The following OR10S1 variants were observed in gnomAD, a reference collection of about 807,000 sequenced individuals.
OR10S1 encodes the protein olfactory receptor 10S1.
For synonymous variants in OR10S1, 167 were observed against 164.1 expected (o/e 1.02, Z -0.13); for missense variants, 415 against 407.9 (o/e 1.02, Z -0.15).
At chr11:123,977,738 C>G (rs1438626554) in exon 1 of OR10S1, 1 of 1,530,340 alleles carries the variant, frequency 6.5e-7, no homozygotes, top group South Asian at 1.2e-5. Flanking sequence ...AGCTGTATCC[C>G]TTTCCTGAGA....
exon 1 of OR10S1, chr11:123,977,031 C>G: frequency 1.9e-6 from 3 of 1,614,184 alleles, no homozygotes; most frequent in Non-Finnish European, 2.5e-6. Context: ...CAGCCTGCAG[C>G]CACGATGCCA....
At chr11:123,977,035 G>C (rs1251927163) in exon 1 of OR10S1, 2 of 1,614,200 alleles carry the variant, frequency 1.2e-6, no homozygotes, top group East Asian at 4.5e-5. Context: ...CTGCAGCCAC[G>C]ATGCCAATGC....
At chr11:123,977,015 A>T in exon 1 of OR10S1, 1 of 1,614,182 alleles carries the variant, frequency 6.2e-7, no homozygotes, top group South Asian at 1.1e-5. Flanking sequence ...AACGATGAGG[A>T]TGAGGCAGCC....
chr11:123,977,303 G>C, exon 1 of OR10S1: 1 of 1,614,186 alleles, frequency 6.2e-7, no homozygotes, highest in East Asian at 2.2e-5. Context: ...GGCCATGACT[G>C]TGTACAGGAA....
chr11:123,977,727 T>C (rs755175602), exon 1 of OR10S1: 1 of 1,564,624 alleles, frequency 6.4e-7, no homozygotes, highest in South Asian at 1.2e-5. Context: ...ATGGAATAAA[T>C]AGCTGTATCC....
At chr11:123,977,152 C>G in exon 1 of OR10S1, 3 of 1,614,190 alleles carry the variant, frequency 1.9e-6, no homozygotes, top group East Asian at 2.2e-5. Context: ...CACAGTAGAG[C>G]AGGCGGAAGG....
At chr11:123,976,897 G>A in exon 1 of OR10S1, 1 of 1,614,122 alleles carries the variant, frequency 6.2e-7, no homozygotes, top group South Asian at 1.1e-5. Flanking sequence ...GTGGCACGTA[G>A]TACAGGAGCA....
At position 123,976,757 on chromosome 11, in the gene OR10S1, G is replaced by A; in HGVS notation, c.908C>T (p.Ala303Val). The change falls in exon 1 of 1, where the codon GCT becomes GTT. Residue 303 changes from alanine (A) to valine (V), a missense_variant. Ala to Val is a moderately conservative substitution (Grantham distance 64). Transcript: ENST00000641123. ...GCTGCTGCACAAAAGCCTTTGCAGA[G>A]CATGCTTCACCTCCTTGTTCCGCAA... 1 of 1,614,184 alleles carries A rather than the reference G, an allele frequency of 6.2e-7. No individual in the cohort carries two copies. Among genetic ancestry groups the A allele is most frequent in the Non-Finnish European group, 8.5e-7 (1 of 1,180,000 alleles).
rs762599678 is a variant in OR10S1 at position 123,977,451 on chromosome 11, A to G, written c.214T>C (p.Phe72Leu). The change falls in exon 1 of 1, where the codon TTC becomes CTC. Residue 72 changes from phenylalanine (F) to leucine (L), a missense_variant. Transcript: ENST00000641123. ...ACTGTAGACAAACAGGCATCCAGGA[A>G]GGAGAGGTGCCCCAGGAAGTGGTAC... 1.2e-5 allele frequency: 19 copies of G among 1,614,156 alleles called. No homozygotes were observed. The South Asian group carries it at 2.1e-4, about 18-fold the overall frequency.
At chr11:123,976,952 C>T (rs35682880) in exon 1 of OR10S1, 1 of 1,613,828 alleles carries the variant, frequency 6.2e-7, no homozygotes, top group African/African-American at 1.3e-5. Context: ...CCGCTGCCGG[C>T]CCTGGGCTGT....
exon 1 of OR10S1, chr11:123,977,646 T>C (rs1250714822): frequency 6.2e-7 from 1 of 1,603,508 alleles, no homozygotes; most frequent in South Asian, 1.1e-5. Flanking sequence ...TGGTTGGGGT[T>C]CTCCGTTGTC....
exon 1 of OR10S1, chr11:123,977,114 CAGA>C (rs1863727417): frequency 6.2e-7 from 1 of 1,614,230 alleles, no homozygotes; most frequent in Non-Finnish European, 8.5e-7. Context: ...GGGTATGTCG[CAGA>C]AGAAGTAGGC....
chr11:123,976,832 G>A (rs1463670897), exon 1 of OR10S1: 2 of 1,614,178 alleles, frequency 1.2e-6, no homozygotes, highest in Non-Finnish European at 1.7e-6. Context: ...GTAGAAGACA[G>A]CAGGGGCCCC....
In OR10S1 at chr11:123,977,003, A is replaced by G. The variant is rs140345028; in HGVS notation, c.662T>C (p.Ile221Thr). The G allele has an allele frequency of 1.2e-4, 195 of 1,614,160 alleles. 1 individual carries two copies. The African/African-American group carries it at 2.0e-3, about 17-fold the overall frequency. The change falls in exon 1 of 1, where the codon ATT becomes ACT. Residue 221 changes from isoleucine to threonine, a missense_variant. Transcript: ENST00000641123. The stretch of plus-strand genomic sequence containing the variant: ...AGCTGCCACGATGAAGATGTAGGAA[A>G]TAACGATGAGGATGAGGCAGCCTGC...
exon 1 of OR10S1, chr11:123,976,664 G>A: frequency 6.4e-7 from 1 of 1,550,724 alleles, no homozygotes; most frequent in Non-Finnish European, 8.7e-7. Flanking sequence ...TTGCTTTCCT[G>A]GCAGGCAAAT....
At chr11:123,977,350 C>T (rs951883197) in exon 1 of OR10S1, 11 of 1,614,036 alleles carry the variant, frequency 6.8e-6, no homozygotes, top group Non-Finnish European at 9.3e-6. Flanking sequence ...AGCAATAAAG[C>T]TGTACGGCAC....
exon 1 of OR10S1, chr11:123,977,628 C>A (rs1303339497): frequency 1.9e-6 from 3 of 1,606,708 alleles, no homozygotes; most frequent in Non-Finnish European, 1.7e-6. Flanking sequence ...AAGTGGCTCA[C>A]CACAGTCTGG....
exon 1 of OR10S1, chr11:123,977,537 A>G: frequency 6.2e-7 from 1 of 1,614,048 alleles, no homozygotes; most frequent in Non-Finnish European, 8.5e-7. Flanking sequence ...ATTCCCAGCC[A>G]CAGTGATGCT....
At chr11:123,976,768 C>T (rs902868538) in exon 1 of OR10S1, 35 of 1,614,068 alleles carry the variant, frequency 2.2e-5, no homozygotes, top group Non-Finnish European at 2.6e-5. Flanking sequence ...CATGCTTCAC[C>T]TCCTTGTTCC....
Sources: allele counts gnomAD v4.1 joint callset, GRCh38; gene constraint gnomAD v4.1.1; transcripts MANE v1.5; gene names NCBI Gene and HGNC (gene_info 2026-07-23, HGNC 2026-07-21).